The following TRIM9 variants were observed in gnomAD, a reference collection of about 807,000 sequenced individuals.
The protein encoded by TRIM9 is E3 ubiquitin-protein ligase TRIM9.
In TRIM9, 26 loss-of-function variants were observed where a neutral mutation model predicts 78.3. The ratio of observed to expected loss-of-function variants is 0.33; its 90% confidence interval spans 0.24 to 0.46. The LOEUF (loss-of-function observed/expected upper bound fraction) is 0.46. Among genes scored for constraint, TRIM9 ranks in the 20% least tolerant of loss-of-function variants. TRIM9 has a pLI of 1.00. For missense variants in TRIM9, 787 were observed against 1,036.4 expected, an observed-to-expected ratio of 0.76 and a Z score of 3.30; for synonymous variants, 398 against 416.5, an observed-to-expected ratio of 0.96 and a Z score of 0.54.
At chr14:51,036,379 C>T (rs1409112471) in intron 1 of TRIM9, among the ~76,000 whole-genome samples, 1 of 152,020 alleles carries the variant, frequency 6.6e-6, no homozygotes, top group Non-Finnish European at 1.5e-5. Context: ...TATTTTGTTA[C>T]TGTTCATTTT....
intron 3 of TRIM9, among the ~76,000 whole-genome samples, chr14:51,011,798 T>C (rs1280226138): frequency 2.0e-5 from 3 of 152,232 alleles, no homozygotes; most frequent in Non-Finnish European, 2.9e-5. Context: ...CATTTCTTTT[T>C]AGTTTTTCTC....
At chr14:51,047,819 A>T (rs1258325627) in intron 1 of TRIM9, among the ~76,000 whole-genome samples, 4 of 152,240 alleles carry the variant, frequency 2.6e-5, no homozygotes, top group African/African-American at 7.2e-5. Context: ...ACACAAATTT[A>T]TACTTCATTC....
At chr14:51,031,711 C>A (rs2058747881) in intron 1 of TRIM9, among the ~76,000 whole-genome samples, 2 of 152,052 alleles carry the variant, frequency 1.3e-5, no homozygotes, top group Admixed American at 1.3e-4. Context: ...TCTTTCCTTA[C>A]CACTTTAATT....
chr14:51,050,720 C>T (rs1168947474), intron 1 of TRIM9, among the ~76,000 whole-genome samples: 4 of 152,106 alleles, frequency 2.6e-5, no homozygotes. Context: ...CTGGCTTCTT[C>T]TCCCTCACTC....
chr14:51,019,385 T>C (rs2057529823), intron 3 of TRIM9, among the ~76,000 whole-genome samples: 1 of 152,204 alleles, frequency 6.6e-6, no homozygotes, highest in African/African-American at 2.4e-5. Flanking sequence ...AACCACAGAG[T>C]AGTATTAACT....
At chr14:51,029,978 G>A (rs2058590609) in intron 1 of TRIM9, among the ~76,000 whole-genome samples, 1 of 152,250 alleles carries the variant, frequency 6.6e-6, no homozygotes, top group Non-Finnish European at 1.5e-5. Context: ...GATTGATTAT[G>A]AGGTGGTCTG....
At position 51,050,997 on chromosome 14, in the gene TRIM9, A is replaced by G. The variant is rs115270712; in HGVS notation, c.823-25637T>C. ...CCAAGCCAAGATGCTGCTGATTCCT[A>G]AGCACAGAAACTGTGAGAGATAATG... On this transcript the variant is annotated intron_variant, in intron 1 of 12. Transcript: ENST00000684578. 2.8e-3 allele frequency among the ~76,000 whole-genome samples: 423 copies of G among 152,344 alleles called. 4 individuals are homozygous for G. The highest frequency in any genetic ancestry group is 9.4e-3 in the African/African-American group (392 of 41,566).
chr14:51,086,047 A>G (rs755016544), intron 1 of TRIM9, among the ~76,000 whole-genome samples: 24 of 152,206 alleles, frequency 1.6e-4, no homozygotes, highest in Non-Finnish European at 2.9e-4. Flanking sequence ...TTATTTTGTC[A>G]CAAGGAATCT....
At chr14:51,031,327 C>T (rs756921277) in intron 1 of TRIM9, among the ~76,000 whole-genome samples, 1 of 152,046 alleles carries the variant, frequency 6.6e-6, no homozygotes, top group Non-Finnish European at 1.5e-5. Flanking sequence ...CTAAGATGAC[C>T]CCAGCCTCCC....
intron 6 of TRIM9, among the ~76,000 whole-genome samples, chr14:51,000,431 A>T (rs144683791): frequency 1.3e-5 from 2 of 152,308 alleles, no homozygotes; most frequent in East Asian, 3.9e-4. Flanking sequence ...GAGGAGACCA[A>T]CTTGAATGCA....
intron 1 of TRIM9, among the ~76,000 whole-genome samples, chr14:51,072,033 T>TCC (rs2062322802): frequency 6.6e-6 from 1 of 152,056 alleles, no homozygotes; most frequent in African/African-American, 2.4e-5. Flanking sequence ...AAACTTTCCT[T>TCC]TCTTCCTTCC....
intron 1 of TRIM9, among the ~76,000 whole-genome samples, chr14:51,028,859 A>G (rs747787674): frequency 3.0e-4 from 46 of 152,096 alleles, no homozygotes; most frequent in Non-Finnish European, 4.9e-4. Context: ...AGCCTGAAGG[A>G]GAGAAACAAA....
At chr14:51,047,049 A>T (rs780665479) in intron 1 of TRIM9, among the ~76,000 whole-genome samples, 44 of 152,220 alleles carry the variant, frequency 2.9e-4, no homozygotes, top group Non-Finnish European at 5.1e-4. Context: ...GGACGGGGAT[A>T]CATGGAGTGT....
At chr14:50,977,445 T>C in intron 12 of TRIM9, 92 bp from the exon 13 acceptor site, 1 of 998,682 alleles carries the variant, frequency 1.0e-6, no homozygotes, top group Non-Finnish European at 1.3e-6. Flanking sequence ...ACTCAAAAAG[T>C]GTTCTGTTTG....
intron 5 of TRIM9, among the ~76,000 whole-genome samples, chr14:51,002,015 G>T (rs1404344906): frequency 3.3e-5 from 5 of 152,184 alleles, no homozygotes; most frequent in Admixed American, 3.3e-4. Flanking sequence ...CAAATTAGTT[G>T]AGCCTTCAGA....
At chr14:50,990,355 G>A (rs868188492) in intron 7 of TRIM9, among the ~76,000 whole-genome samples, 2 of 152,096 alleles carry the variant, frequency 1.3e-5, no homozygotes, top group African/African-American at 2.4e-5. Context: ...CAACGCTATT[G>A]AACACCTGTC....
chr14:51,063,435 G>C (rs1224672492), intron 1 of TRIM9, among the ~76,000 whole-genome samples: 2 of 151,828 alleles, frequency 1.3e-5, no homozygotes, highest in Non-Finnish European at 2.9e-5. Context: ...TATTTGAAGA[G>C]ATGGTAGTAA....
chr14:50,995,021 C>T (rs556923949), intron 7 of TRIM9, among the ~76,000 whole-genome samples: 3 of 151,984 alleles, frequency 2.0e-5, no homozygotes, highest in Non-Finnish European at 4.4e-5. Context: ...TTCCTTTTCT[C>T]TGTCTCTTTT....
At chr14:51,033,191 G>C (rs763170318) in intron 1 of TRIM9, among the ~76,000 whole-genome samples, 1 of 152,186 alleles carries the variant, frequency 6.6e-6, no homozygotes, top group Non-Finnish European at 1.5e-5. Context: ...CCGGGTTCAA[G>C]CAATTCTCCT....
Sources: gnomAD v4.1 joint callset for allele counts (sites outside exome capture counted in the v4.1 genomes callset) on GRCh38, gnomAD v4.1.1 for gene constraint, MANE v1.5 for transcripts, NCBI Gene and HGNC (gene_info 2026-07-23, HGNC 2026-07-21) for gene names.